The following WWP2 variants were observed in gnomAD, a reference collection of about 807,000 sequenced individuals.
WWP2 encodes the protein WW domain containing E3 ubiquitin protein ligase 2, also known as NEDD4-like E3 ubiquitin-protein ligase WWP2.
Under a neutral mutation model 121.0 loss-of-function variants are expected in WWP2, and 57 were observed. The observed-to-expected ratio is 0.47, with a 90% CI of 0.38 to 0.59. The LOEUF is 0.59. Among genes scored for constraint, WWP2 ranks in the 20% least tolerant of loss-of-function variants. The pLI, the probability that WWP2 is intolerant of heterozygous loss-of-function variation, is 0.00. For missense variants in WWP2, 962 were observed against 1,158.9 expected (o/e 0.83, Z 2.47); for synonymous variants, 449 against 441.3 (o/e 1.02, Z -0.22).
chr16:69,803,247 T>C (rs1427944137), intron 4 of WWP2, among the ~76,000 whole-genome samples: 3 of 152,136 alleles, frequency 2.0e-5, no homozygotes, highest in Admixed American at 2.0e-4. Flanking sequence ...TAAAGTATAT[T>C]CTAGACGTCC....
At chr16:69,936,996 G>A in intron 19 of WWP2, 122 bp from the exon 20 acceptor site, 2 of 1,357,626 alleles carry the variant, frequency 1.5e-6, no homozygotes, top group Non-Finnish European at 2.0e-6. Context: ...GCTGGGTCTG[G>A]GTGTGCGAAG....
chr16:69,860,297 G>A (rs958559883), intron 6 of WWP2, among the ~76,000 whole-genome samples: 51 of 152,290 alleles, frequency 3.3e-4, no homozygotes, highest in Middle Eastern at 3.4e-3. Flanking sequence ...CTGACAGCTT[G>A]CATCTTTCCT....
intron 6 of WWP2, among the ~76,000 whole-genome samples, chr16:69,854,347 T>G (rs933080238): frequency 1.3e-5 from 2 of 152,120 alleles, no homozygotes; most frequent in East Asian, 3.9e-4. Flanking sequence ...TGTTTGTGGC[T>G]GTGGTTTGGT....
intron 8 of WWP2, among the ~76,000 whole-genome samples, chr16:69,906,622 G>A (rs1408402761): frequency 6.6e-6 from 1 of 152,216 alleles, no homozygotes; most frequent in Non-Finnish European, 1.5e-5. Context: ...TAGGCACGTT[G>A]GTTTGTGATA....
intron 2 of WWP2, among the ~76,000 whole-genome samples, chr16:69,792,063 CGTA>C: frequency 6.6e-6 from 1 of 151,972 alleles, no homozygotes; most frequent in Non-Finnish European, 1.5e-5. Context: ...ATTTAAATAG[CGTA>C]GGTGGTTCTT....
chr16:69,805,808 C>G (rs2056264079), intron 4 of WWP2, among the ~76,000 whole-genome samples: 1 of 148,660 alleles, frequency 6.7e-6, no homozygotes, highest in African/African-American at 2.5e-5. Flanking sequence ...GATGGTATCT[C>G]ACTATGTTGC....
intron 4 of WWP2, among the ~76,000 whole-genome samples, chr16:69,810,055 C>T (rs771634782): frequency 1.3e-5 from 2 of 152,148 alleles, no homozygotes; most frequent in South Asian, 2.1e-4. Flanking sequence ...CTAGTCTTCC[C>T]GCAGCATCTT....
chr16:69,886,064 A>G (rs1023246864), intron 7 of WWP2, among the ~76,000 whole-genome samples: 2 of 152,234 alleles, frequency 1.3e-5, no homozygotes, highest in African/African-American at 2.4e-5. Context: ...AGGGAATACT[A>G]ACATGAAACA....
intron 11 of WWP2, among the ~76,000 whole-genome samples, chr16:69,927,160 G>T (rs534845099): frequency 6.6e-6 from 1 of 152,336 alleles, no homozygotes; most frequent in African/African-American, 2.4e-5. Context: ...GAACATTCTG[G>T]CTAAAGGCCA....
intron 4 of WWP2, among the ~76,000 whole-genome samples, chr16:69,816,871 G>T (rs996503127): frequency 6.6e-6 from 1 of 152,144 alleles, no homozygotes; most frequent in African/African-American, 2.4e-5. Context: ...AGATTGTGGT[G>T]CCATCCCCTT....
intron 2 of WWP2, among the ~76,000 whole-genome samples, chr16:69,791,601 A>C (rs2055912258): frequency 6.6e-6 from 1 of 151,880 alleles, no homozygotes; most frequent in South Asian, 2.1e-4. Flanking sequence ...AGCTCACTGC[A>C]GCCTCAAAAT....
chr16:69,860,139 C>T (rs2057389090), intron 6 of WWP2, among the ~76,000 whole-genome samples: 1 of 151,884 alleles, frequency 6.6e-6, no homozygotes, highest in Admixed American at 6.6e-5. Flanking sequence ...AGTTCAAGAC[C>T]CCCATCGCTA....
intron 7 of WWP2, among the ~76,000 whole-genome samples, chr16:69,884,035 C>G (rs1432320829): frequency 6.6e-6 from 1 of 152,100 alleles, no homozygotes; most frequent in African/African-American, 2.4e-5. Flanking sequence ...TGTCTTTTTC[C>G]TATTCTGCTC....
chr16:69,776,696 TGCA>T (rs1379862994), intron 1 of WWP2, among the ~76,000 whole-genome samples: 4 of 152,164 alleles, frequency 2.6e-5, no homozygotes, highest in Middle Eastern at 6.8e-3. Flanking sequence ...GGCGTGGTGG[TGCA>T]TGCCTGTAAT....
rs1382210674 is a variant in WWP2 at position 69,937,576 on chromosome 16, A to C, written c.2267A>C (p.Asp756Ala). The C allele has an allele frequency of 2.5e-6, 4 of 1,613,988 alleles. No homozygotes were observed. The Admixed American group carries it at 6.7e-5, about 27-fold the overall frequency. The change falls in exon 21 of 24, where the codon GAC (aspartate) becomes GCC (alanine). Residue 756 changes from aspartate to alanine, a missense_variant. Transcript: ENST00000359154. The surrounding 1 kb of genome is among the most constrained non-coding windows in gnomAD (Gnocchi z 6.6). ...ELMLCGMQEI[D>A]MSDWQKSTIY... ...ATGCTGTGCGGCATGCAGGAGATAG[A>C]CATGAGCGACTGGCAGAAGAGCACC...
chr16:69,765,541 T>C (rs1184027973), intron 1 of WWP2, among the ~76,000 whole-genome samples: 1 of 152,062 alleles, frequency 6.6e-6, no homozygotes. Context: ...AATAGGATCC[T>C]GGCCAGGTGC....
intron 1 of WWP2, among the ~76,000 whole-genome samples, chr16:69,783,873 C>G (rs180814866): frequency 1.9e-4 from 29 of 151,994 alleles, no homozygotes; most frequent in African/African-American, 7.0e-4. Flanking sequence ...GAGGATTGCT[C>G]GAGTCTAGGA....
At chr16:69,926,869 C>G (rs2058648025) in intron 11 of WWP2, among the ~76,000 whole-genome samples, 1 of 152,148 alleles carries the variant, frequency 6.6e-6, no homozygotes. Context: ...AGAATCTGTA[C>G]TGCTGTTTAG....
intron 6 of WWP2, among the ~76,000 whole-genome samples, chr16:69,843,652 G>C (rs2057019006): frequency 6.6e-6 from 1 of 152,072 alleles, no homozygotes; most frequent in African/African-American, 2.4e-5. Flanking sequence ...AGGATCGCTT[G>C]AGGCCAGGAG....
Sources: allele counts gnomAD v4.1 joint callset (sites outside exome capture counted in the v4.1 genomes callset), GRCh38; gene constraint gnomAD v4.1.1; non-coding constraint Gnocchi (gnomAD v3.1); transcripts MANE v1.5; gene names NCBI Gene and HGNC (gene_info 2026-07-23, HGNC 2026-07-21).